Variants in SEMA6D observed in about 807,000 individuals in gnomAD.
SEMA6D encodes semaphorin-6D.
Under a neutral mutation model 106.6 loss-of-function variants are expected in SEMA6D, and 35 were observed. That is an observed-to-expected ratio of 0.33 (90% CI 0.25 to 0.44). The LOEUF (loss-of-function observed/expected upper bound fraction) is 0.44. Ranked by LOEUF, SEMA6D falls within the 20% of genes least tolerant of loss-of-function variation. The pLI, the probability that SEMA6D is intolerant of heterozygous loss-of-function variation, is 1.00. For synonymous variants in SEMA6D, 499 were observed against 487.7 expected, an observed-to-expected ratio of 1.02 and a Z score of -0.31; for missense variants, 1,185 against 1,345.9, an observed-to-expected ratio of 0.88 and a Z score of 1.87.
chr15:47,212,442 A>G lies in SEMA6D; in HGVS notation c.-239+28024A>G, dbSNP rs150181256. On this transcript the variant is annotated intron_variant, in intron 1 of 19. Transcript: ENST00000558014. ...TCTGACGGTGACGTTCTCACCTGAA[A>G]TTTGGCGAGTGGGTGATTACGAGCA... Among the ~76,000 whole-genome samples, 20 of 152,272 alleles carry G rather than the reference A, an allele frequency of 1.3e-4. No homozygotes were observed. The East Asian group carries it at 3.9e-3, about 29-fold the overall frequency.
chr15:47,184,215 A>G (rs957674392), exon 1 of SEMA6D: 1 of 152,916 alleles, frequency 6.5e-6, no homozygotes, highest in Non-Finnish European at 1.5e-5. Context: ...CACCAGGACT[A>G]GGAGGCAGCG....
chr15:47,436,130 C>T (rs1209582670), intron 2 of SEMA6D, among the ~76,000 whole-genome samples: 1 of 152,106 alleles, frequency 6.6e-6, no homozygotes, highest in Admixed American at 6.6e-5. Context: ...TGGCTCATGC[C>T]TGTAATTCCA....
At chr15:47,241,699 A>G (rs905538334) in intron 1 of SEMA6D, among the ~76,000 whole-genome samples, 1 of 139,240 alleles carries the variant, frequency 7.2e-6, no homozygotes, top group African/African-American at 2.7e-5. Flanking sequence ...AAAACGATGG[A>G]AAAAAAAAAA....
At chr15:47,222,036 C>T (rs937354735) in intron 1 of SEMA6D, among the ~76,000 whole-genome samples, 36 of 152,036 alleles carry the variant, frequency 2.4e-4, no homozygotes, top group Non-Finnish European at 2.9e-5. Flanking sequence ...CACGCATGCA[C>T]ACGCACACTC....
chr15:47,399,586 T>C (rs2040330154), intron 1 of SEMA6D: 1 of 152,228 alleles, frequency 6.6e-6, no homozygotes, highest in African/African-American at 2.4e-5. Flanking sequence ...GAATATGACC[T>C]TCCACAATTA....
chr15:47,196,210 T>C (rs1398438794), intron 1 of SEMA6D, among the ~76,000 whole-genome samples: 1 of 152,028 alleles, frequency 6.6e-6, no homozygotes, highest in East Asian at 1.9e-4. Flanking sequence ...CAAGCTCAGT[T>C]CTTGGACATC....
chr15:47,766,444 A>G, intron 15 of SEMA6D, 172 bp from the exon 16 acceptor site: 1 of 658,526 alleles, frequency 1.5e-6, no homozygotes, highest in Non-Finnish European at 2.6e-6. Context: ...CTAGTTCACC[A>G]GTTTTTAACA....
chr15:47,439,925 G>GA (rs1257345120), intron 2 of SEMA6D, among the ~76,000 whole-genome samples: 1 of 151,978 alleles, frequency 6.6e-6, no homozygotes, highest in African/African-American at 2.4e-5. Context: ...GGAAAAACAG[G>GA]AAAAAAATAC....
At chr15:47,640,449 A>G (rs1490597687) in intron 4 of SEMA6D, among the ~76,000 whole-genome samples, 1 of 152,178 alleles carries the variant, frequency 6.6e-6, no homozygotes, top group Non-Finnish European at 1.5e-5. Context: ...CCTTAGAGTG[A>G]ACTTGTGAAA....
chr15:47,728,009 G>T (rs2079875302), intron 1 of SEMA6D, among the ~76,000 whole-genome samples: 1 of 152,214 alleles, frequency 6.6e-6, no homozygotes, highest in Admixed American at 6.5e-5. Context: ...GGTTTGGGTT[G>T]CAGTGAACAA....
At chr15:47,388,399 C>T (rs144927740) in intron 1 of SEMA6D, among the ~76,000 whole-genome samples, 253 of 152,278 alleles carry the variant, frequency 1.7e-3, no homozygotes, top group African/African-American at 5.9e-3. Context: ...TAAACAATTA[C>T]TAAGATTTAA....
intron 4 of SEMA6D, among the ~76,000 whole-genome samples, chr15:47,613,170 C>A (rs1241272802): frequency 2.6e-5 from 4 of 152,184 alleles, no homozygotes; most frequent in African/African-American, 9.6e-5. Flanking sequence ...CCTCTACCCC[C>A]ACACATACAC....
At chr15:47,761,590 A>G in intron 6 of SEMA6D, 71 bp from the exon 7 acceptor site, 4 of 1,309,776 alleles carry the variant, frequency 3.1e-6, no homozygotes, top group Non-Finnish European at 4.3e-6. Flanking sequence ...TTTAATACAA[A>G]TAAAATAGTA....
chr15:47,735,985 A>G (rs1349325927), intron 1 of SEMA6D, among the ~76,000 whole-genome samples: 1 of 152,228 alleles, frequency 6.6e-6, no homozygotes, highest in Non-Finnish European at 1.5e-5. Context: ...AGAAGGAGAG[A>G]AAGGGAATGA....
intron 4 of SEMA6D, among the ~76,000 whole-genome samples, chr15:47,649,975 A>G (rs1417136227): frequency 6.6e-6 from 1 of 152,180 alleles, no homozygotes. Flanking sequence ...TCTCGAGGGA[A>G]TAAAACAGAA....
At chr15:47,315,452 A>C (rs1428841500) in intron 1 of SEMA6D, among the ~76,000 whole-genome samples, 1 of 152,038 alleles carries the variant, frequency 6.6e-6, no homozygotes, top group Non-Finnish European at 1.5e-5. Context: ...CCATTAATCT[A>C]TTTGTCTGTT....
chr15:47,531,568 TC>T (rs778916889), intron 3 of SEMA6D, among the ~76,000 whole-genome samples: 2 of 152,266 alleles, frequency 1.3e-5, no homozygotes, highest in South Asian at 2.1e-4. Flanking sequence ...TGTGATGATC[TC>T]CTTTTTGACA....
intron 3 of SEMA6D, among the ~76,000 whole-genome samples, chr15:47,487,427 C>T (rs1382214072): frequency 2.0e-5 from 3 of 152,134 alleles, no homozygotes; most frequent in Non-Finnish European, 4.4e-5. Context: ...TACATGTATA[C>T]ATGTATAGTT....
chr15:47,534,463 A>G (rs2045087153), intron 3 of SEMA6D, among the ~76,000 whole-genome samples: 1 of 152,194 alleles, frequency 6.6e-6, no homozygotes, highest in Admixed American at 6.5e-5. Flanking sequence ...GATGACAGGC[A>G]TGAGCCACCA....
Sources: allele counts gnomAD v4.1 joint callset (sites outside exome capture counted in the v4.1 genomes callset), GRCh38; gene constraint gnomAD v4.1.1; transcripts MANE v1.5; gene names NCBI Gene and HGNC (gene_info 2026-07-23, HGNC 2026-07-21).